The following COPA variants were observed in gnomAD, a reference collection of about 807,000 sequenced individuals.
COPA encodes the protein coatomer subunit alpha.
Under a neutral mutation model 158.7 loss-of-function variants are expected in COPA, and 10 were observed. The observed-to-expected ratio is 0.06, with a 90% CI of 0.04 to 0.11. COPA has a LOEUF of 0.11. Ranked by LOEUF, COPA falls within the 10% of genes least tolerant of loss-of-function variation. The pLI, the probability that COPA is intolerant of heterozygous loss-of-function variation, is 1.00. For synonymous variants in COPA, 462 were observed against 542.8 expected (o/e 0.85, Z 2.07); for missense variants, 1,065 against 1,536.7 (o/e 0.69, Z 5.13).
intron 3 of COPA, among the ~76,000 whole-genome samples, chr1:160,337,959 A>G (rs920212049): frequency 5.9e-5 from 9 of 152,140 alleles, no homozygotes; most frequent in African/African-American, 2.2e-4. Context: ...CCCCTAAGAA[A>G]TTCATACCCA....
At chr1:160,328,479 G>C (rs965433883) in intron 6 of COPA, among the ~76,000 whole-genome samples, 6 of 152,268 alleles carry the variant, frequency 3.9e-5, no homozygotes, top group African/African-American at 1.2e-4. Context: ...ACGACAGATG[G>C]AAAATTTCTA....
At position 160,323,513 on chromosome 1, in the gene COPA, T is replaced by C. The variant is rs1399669492; in HGVS notation, c.624A>G (p.Val208=). Residue 208 remains valine (V), a synonymous_variant, in exon 8 of 33, where the codon GTA becomes GTG. Transcript: ENST00000241704. ...TAGTGGGGTGGAAGGCAGCCCAGTT[T>C]ACTCCACGATCGTGACCCTGTAGAA... ...KHVLEGHDRG[V]NWAAFHPTMP... 6.2e-7 allele frequency: 1 copy of C among 1,610,924 alleles called. No homozygotes were observed. Among genetic ancestry groups the C allele is most frequent in the Non-Finnish European group, 8.5e-7 (1 of 1,178,270 alleles).
intron 25 of COPA, among the ~76,000 whole-genome samples, chr1:160,294,048 G>A (rs1377324151): frequency 6.6e-6 from 1 of 152,190 alleles, no homozygotes; most frequent in Non-Finnish European, 1.5e-5. Flanking sequence ...CTTTCAAATG[G>A]GAGTTAAGCA....
chr1:160,314,026 T>A lies in COPA; in HGVS notation c.806A>T (p.Glu269Val). 6.2e-7 allele frequency: 1 copy of A among 1,614,060 alleles called. No individual in the cohort carries two copies. The highest frequency in any genetic ancestry group is 8.5e-7 in the Non-Finnish European group (1 of 1,179,982). The change falls in exon 9 of 33, where the codon GAG becomes GTG. Residue 269 changes from glutamate (E) to valine (V), a missense_variant. Coordinates refer to ENST00000241704, the MANE Select transcript of COPA (RefSeq NM_004371.4). ...ATCCCAGACTCGAATACTCTTGTCC[T>A]CAGAATTGCTGAGGATCAACTCTTG... ...PRQELILSNS[E>V]DKSIRVWDMS... is the part of the protein sequence containing the mutation.
chr1:160,342,626 T>C (rs1648133950), intron 1 of COPA, among the ~76,000 whole-genome samples: 2 of 152,180 alleles, frequency 1.3e-5, no homozygotes, highest in South Asian at 4.1e-4. Context: ...TCAAGTACTA[T>C]TTCCGGGTAG....
intron 31 of COPA, 64 bp from the exon 32 acceptor site, chr1:160,290,750 A>G (rs1458783288): frequency 3.3e-6 from 5 of 1,495,402 alleles, no homozygotes; most frequent in Non-Finnish European, 4.6e-6. Context: ...AAGGATCCCA[A>G]CACCATGGTT....
chr1:160,334,840 T>C (rs551317185), intron 4 of COPA, among the ~76,000 whole-genome samples: 3 of 152,292 alleles, frequency 2.0e-5, no homozygotes, highest in African/African-American at 2.4e-5. Flanking sequence ...AGGGGTATGA[T>C]TGTTAATACT....
intron 30 of COPA, 53 bp from the exon 31 acceptor site, chr1:160,291,549 G>A (rs1658232989): frequency 1.3e-6 from 2 of 1,588,160 alleles, no homozygotes; most frequent in Non-Finnish European, 1.7e-6. Flanking sequence ...CCTGGTAGAA[G>A]TCATTTCTAA....
In COPA at chr1:160,340,220, G is replaced by C; in HGVS notation, c.115C>G (p.Arg39Gly). 1 of 1,613,556 alleles carries C rather than the reference G, an allele frequency of 6.2e-7. No individual in the cohort carries two copies. The highest frequency in any genetic ancestry group is 8.5e-7 in the Non-Finnish European group (1 of 1,179,842). The change falls in exon 2 of 33, where the codon CGG (arginine) becomes GGG (glycine). Residue 39 changes from arginine to glycine, a missense_variant. Coordinates refer to ENST00000241704, the MANE Select transcript of COPA (RefSeq NM_004371.4). Reference sequence around the variant, plus strand: ...AACTTGTCAATGAGAGTGCACATCCGATAGTCCCATAACTGGATGACCCCA... The same window carrying C: ...AACTTGTCAATGAGAGTGCACATCCCATAGTCCCATAACTGGATGACCCCA... ...HNGVIQLWDY[R>G]MCTLIDKFDE...
At chr1:160,309,234 T>C in intron 12 of COPA, 58 bp from the exon 13 acceptor site, 1 of 1,281,232 alleles carries the variant, frequency 7.8e-7, no homozygotes, top group Non-Finnish European at 1.1e-6. Context: ...ATACCAGTTT[T>C]CCAATTTACT....
intron 6 of COPA, among the ~76,000 whole-genome samples, chr1:160,328,536 G>C (rs549867671): frequency 6.6e-6 from 1 of 152,252 alleles, no homozygotes; most frequent in South Asian, 2.1e-4. Context: ...TCTCAGAATG[G>C]ACCAGTTTGA....
intron 13 of COPA, 130 bp downstream of exon 13, chr1:160,308,971 G>A (rs2101840597): frequency 1.4e-6 from 1 of 703,714 alleles, no homozygotes; most frequent in East Asian, 2.7e-5. Flanking sequence ...GCAATTGTCA[G>A]CAGCACCTGC....
At chr1:160,318,468 T>TAAAAAAAAAAAAAAAAA (rs71090307) in intron 8 of COPA, among the ~76,000 whole-genome samples, 3 of 15,664 alleles carry the variant, frequency 1.9e-4, no homozygotes, top group African/African-American at 5.8e-4. Flanking sequence ...ACAATATTTG[T>TAAAAAAAAAAAAAAAAA]AAAAAAAAAA....
In COPA at chr1:160,297,738, A is replaced by G; in HGVS notation, c.1985T>C (p.Leu662Pro). The change falls in exon 20 of 33, where the codon CTG becomes CCG. Residue 662 changes from leucine (L) to proline (P), a missense_variant. By Grantham distance (98) the Leu-to-Pro change is moderately conservative. Coordinates refer to ENST00000241704, the MANE Select transcript of COPA (RefSeq NM_004371.4). Reference protein sequence around the residue: ...ALECGNIEIALEAAKALDDKN... With the variant: ...ALECGNIEIAPEAAKALDDKN... ...GTCATCCAGTGCTTTGGCTGCTTCCAGAGCAATCTAAAGAATCCCCAGGGT... is the reference window on the plus strand; with the variant it reads ...GTCATCCAGTGCTTTGGCTGCTTCCGGAGCAATCTAAAGAATCCCCAGGGT... 2 of 1,613,720 alleles carry G rather than the reference A, an allele frequency of 1.2e-6. No individual in the cohort carries two copies. The highest frequency in any genetic ancestry group is 1.7e-4 in the Middle Eastern group (1 of 6,058).
Position 160,292,006 on chromosome 1 carries a change from T to A in COPA, c.3147+6A>T, listed in dbSNP as rs1658253875. 6.2e-7 allele frequency: 1 copy of A among 1,614,168 alleles called. No homozygotes were observed. The highest frequency in any genetic ancestry group is 1.7e-5 in the Admixed American group (1 of 60,026). Reference sequence around the variant, plus strand: ...CAGAACTGGGACAGCGGCTAGACCCTCCTACCTCTGCAATCTCTTGTTTAT... The same window carrying A: ...CAGAACTGGGACAGCGGCTAGACCCACCTACCTCTGCAATCTCTTGTTTAT... On this transcript the variant is annotated splice_donor_region_variant and intron_variant, in intron 29 of 32. Coordinates refer to ENST00000241704, the MANE Select transcript of COPA (RefSeq NM_004371.4).
At chr1:160,324,902 A>C (rs954757976) in intron 7 of COPA, among the ~76,000 whole-genome samples, 6 of 152,186 alleles carry the variant, frequency 3.9e-5, no homozygotes, top group African/African-American at 1.4e-4. Flanking sequence ...ATTGTGACAG[A>C]ATCCTGGATA....
chr1:160,290,776 TG>T (rs1658204226), intron 31 of COPA, 90 bp from the exon 32 acceptor site: 1 of 1,224,146 alleles, frequency 8.2e-7, no homozygotes, highest in Non-Finnish European at 1.2e-6. Flanking sequence ...GTTCCGTTGA[TG>T]TGAGACACAA....
chr1:160,293,362 C>A, intron 26 of COPA, 24 bp downstream of exon 26: 5 of 1,613,198 alleles, frequency 3.1e-6, no homozygotes, highest in Non-Finnish European at 4.2e-6. Context: ...TCATCCCTGC[C>A]GTGCTAGGTT....
At chr1:160,309,507 A>G (rs772921338) in intron 12 of COPA, among the ~76,000 whole-genome samples, 19 of 152,082 alleles carry the variant, frequency 1.2e-4, no homozygotes, top group Non-Finnish European at 2.6e-4. Flanking sequence ...GGACTCATCA[A>G]CTGAGTACTC....
Sources: allele counts gnomAD v4.1 joint callset (sites outside exome capture counted in the v4.1 genomes callset), GRCh38; gene constraint gnomAD v4.1.1; transcripts MANE v1.5; gene names NCBI Gene and HGNC (gene_info 2026-07-23, HGNC 2026-07-21).